Variants in OPCML observed in about 807,000 individuals in gnomAD.
The protein encoded by OPCML is opioid-binding protein/cell adhesion molecule.
OPCML carries 13 observed loss-of-function variants against 37.8 expected under a neutral mutation model. The ratio of observed to expected loss-of-function variants is 0.34; its 90% CI spans 0.22 to 0.55. The LOEUF is 0.55. OPCML is among the 20% of genes least tolerant of loss of function. The pLI is 0.91. For synonymous variants in OPCML, 176 were observed against 168.8 expected, an observed-to-expected ratio of 1.04 and a Z score of -0.33; for missense variants, 341 against 435.6, an observed-to-expected ratio of 0.78 and a Z score of 1.93.
In OPCML at chr11:133,206,287, G is replaced by A. The variant is rs1175690906; in HGVS notation, c.62-263277C>T. ...TGATTAAAGACAGTGAGCAGAACTCGCCATACTGAGGTCTGTTCCTGTTTC... is the reference window on the plus strand; with the variant it reads ...TGATTAAAGACAGTGAGCAGAACTCACCATACTGAGGTCTGTTCCTGTTTC... On this transcript the variant is annotated intron_variant, in intron 1 of 7. Coordinates refer to ENST00000524381, the MANE Select transcript of OPCML (RefSeq NM_001012393.5). This position sits in a 1 kb window ranked among gnomAD's most constrained non-coding sequence, Gnocchi z 4.7. 4.6e-5 allele frequency among the ~76,000 whole-genome samples: 7 copies of A among 152,170 alleles called. No individual in the cohort carries two copies. The highest frequency in any genetic ancestry group is 1.4e-4 in the African/African-American group (6 of 41,442).
chr11:132,834,571 A>G (rs1591674729), intron 2 of OPCML, among the ~76,000 whole-genome samples: 1 of 152,178 alleles, frequency 6.6e-6, no homozygotes, highest in Non-Finnish European at 1.5e-5. Flanking sequence ...GCGGCAGCAC[A>G]GTTCTAATAT....
intron 2 of OPCML, among the ~76,000 whole-genome samples, chr11:132,826,844 T>C (rs893935130): frequency 1.3e-5 from 2 of 152,160 alleles, no homozygotes; most frequent in Non-Finnish European, 2.9e-5. Context: ...TTTGTATGAA[T>C]ACACACAAAG....
At chr11:133,469,195 T>A in intron 1 of OPCML, among the ~76,000 whole-genome samples, 1 of 152,192 alleles carries the variant, frequency 6.6e-6, no homozygotes, top group South Asian at 2.1e-4. Context: ...TAAATTTATG[T>A]TCCACATAAT....
intron 1 of OPCML, among the ~76,000 whole-genome samples, chr11:133,198,824 C>T (rs929032964): frequency 4.6e-5 from 7 of 152,106 alleles, no homozygotes; most frequent in African/African-American, 1.7e-4. Flanking sequence ...GCTGTGGAGG[C>T]GTAGAAGATG....
At chr11:133,285,860 A>G (rs908419070) in intron 1 of OPCML, among the ~76,000 whole-genome samples, 4 of 152,210 alleles carry the variant, frequency 2.6e-5, no homozygotes, top group Non-Finnish European at 5.9e-5. Flanking sequence ...AGGCTGCAGT[A>G]CAAAGATGTG....
intron 1 of OPCML, among the ~76,000 whole-genome samples, chr11:133,186,392 C>T (rs577881697): frequency 6.6e-6 from 1 of 152,024 alleles, no homozygotes; most frequent in South Asian, 2.1e-4. Context: ...GACCTCCTTA[C>T]TGGGAAAAGC....
At chr11:133,514,421 C>G (rs541668755) in intron 1 of OPCML, among the ~76,000 whole-genome samples, 2 of 152,322 alleles carry the variant, frequency 1.3e-5, no homozygotes, top group East Asian at 3.9e-4. Flanking sequence ...TCCTGTTTGC[C>G]AGCTCCATGT....
intron 2 of OPCML, among the ~76,000 whole-genome samples, chr11:132,851,012 A>G (rs1475848200): frequency 6.6e-6 from 1 of 152,210 alleles, no homozygotes; most frequent in Non-Finnish European, 1.5e-5. Context: ...AGGTCTATCA[A>G]CTTCAATGGG....
intron 1 of OPCML, among the ~76,000 whole-genome samples, chr11:133,101,041 C>A (rs1236831491): frequency 6.6e-6 from 1 of 152,206 alleles, no homozygotes; most frequent in Non-Finnish European, 1.5e-5. Flanking sequence ...TCTCCTGCCT[C>A]AGCCTCCCGA....
chr11:132,809,974 C>G (rs960572248), intron 2 of OPCML, among the ~76,000 whole-genome samples: 3 of 152,122 alleles, frequency 2.0e-5, no homozygotes, highest in African/African-American at 4.8e-5. Context: ...CTCAGCCTCC[C>G]GAGTAGCCGG....
intron 1 of OPCML, among the ~76,000 whole-genome samples, chr11:133,002,698 G>C (rs1412675810): frequency 6.6e-6 from 1 of 151,486 alleles, no homozygotes. Flanking sequence ...ATATATGTGT[G>C]GGTGTGAATG....
chr11:133,326,259 T>C (rs1943444952), intron 1 of OPCML, among the ~76,000 whole-genome samples: 1 of 136,932 alleles, frequency 7.3e-6, no homozygotes, highest in Non-Finnish European at 1.6e-5. Flanking sequence ...TGTGTGTATG[T>C]GGGGTGTGTG....
chr11:132,977,754 T>C (rs550170669), intron 1 of OPCML, among the ~76,000 whole-genome samples: 46 of 152,350 alleles, frequency 3.0e-4, no homozygotes, highest in Admixed American at 2.0e-3. Context: ...GCAGGTTCAA[T>C]GTATTTAATT....
intron 1 of OPCML, among the ~76,000 whole-genome samples, chr11:133,071,222 G>A (rs1358579752): frequency 1.3e-5 from 2 of 152,210 alleles, no homozygotes; most frequent in South Asian, 2.1e-4. Context: ...GTGGACAGGC[G>A]AAGCCTCTGC....
chr11:132,553,421 T>C (rs1404639376), intron 3 of OPCML, among the ~76,000 whole-genome samples: 1 of 151,892 alleles, frequency 6.6e-6, no homozygotes, highest in Non-Finnish European at 1.5e-5. Context: ...AAAGGGAGAG[T>C]GTGCTATAAG....
In OPCML at chr11:133,060,841, C is replaced by G. The variant is rs539789616; in HGVS notation, c.62-117831G>C. Among the ~76,000 whole-genome samples, 15 of 152,366 alleles carry G rather than the reference C, an allele frequency of 9.8e-5. No individual in the cohort carries two copies. The South Asian group carries it at 3.1e-3, about 32-fold the overall frequency. On this transcript the variant is annotated intron_variant, in intron 1 of 7. Coordinates refer to ENST00000524381, the MANE Select transcript of OPCML (RefSeq NM_001012393.5). Reference sequence around the variant, plus strand: ...GCAGAGATGACAGGCTCACCAAACCCTACGTGGGCATCAGCCAGTGGGCCC... The same window carrying G: ...GCAGAGATGACAGGCTCACCAAACCGTACGTGGGCATCAGCCAGTGGGCCC...
rs140059794 is a variant in OPCML at position 133,150,946 on chromosome 11, A to G, written c.62-207936T>C. On this transcript the variant is annotated intron_variant, in intron 1 of 7. Transcript: ENST00000524381. ...CTCCCCTGCCCCGGAACCCTTCTAG[A>G]AAGAGAGTGGCCTCCAAAGCTATTT... Among the ~76,000 whole-genome samples the G allele has an allele frequency of 3.4e-3, 511 of 152,092 alleles. 12 individuals carry two copies. In the East Asian group the frequency reaches 0.042, roughly 13 times the overall value.
chr11:132,665,469 G>A (rs762547589), intron 2 of OPCML, among the ~76,000 whole-genome samples: 2 of 152,136 alleles, frequency 1.3e-5, no homozygotes, highest in East Asian at 1.9e-4. Context: ...ATCTGATGCC[G>A]GGAAGGAAAA....
intron 2 of OPCML, among the ~76,000 whole-genome samples, chr11:132,770,274 GT>G (rs1304513197): frequency 6.6e-6 from 1 of 152,036 alleles, no homozygotes; most frequent in African/African-American, 2.4e-5. Flanking sequence ...TGTTGAGTGT[GT>G]TTAGTTTTGT....
Sources: gnomAD v4.1 joint callset for allele counts (sites outside exome capture counted in the v4.1 genomes callset) on GRCh38, gnomAD v4.1.1 for gene constraint, Gnocchi (gnomAD v3.1) non-coding constraint, MANE v1.5 for transcripts, NCBI Gene and HGNC (gene_info 2026-07-23, HGNC 2026-07-21) for gene names.